Variants in ASAP1 observed in about 807,000 individuals in gnomAD.
The protein encoded by ASAP1 is ArfGAP with SH3 domain, ankyrin repeat and PH domain 1, also known as arf-GAP with SH3 domain, ANK repeat and PH domain-containing protein 1.
ASAP1 carries 43 observed loss-of-function variants against 145.2 expected under a neutral mutation model. The observed-to-expected ratio is 0.30, with a 90% CI of 0.23 to 0.38. The LOEUF is 0.38. ASAP1 is among the 10% of genes least tolerant of loss of function. The pLI is 1.00. For synonymous variants in ASAP1, 546 were observed against 515.5 expected (o/e 1.06, Z -0.80); for missense variants, 1,018 against 1,355.3 (o/e 0.75, Z 3.91).
At chr8:130,098,289 C>T (rs570435544) in intron 24 of ASAP1, among the ~76,000 whole-genome samples, 9 of 152,228 alleles carry the variant, frequency 5.9e-5, no homozygotes, top group South Asian at 4.1e-4. Flanking sequence ...ACATCCTTTC[C>T]GGCTAGAACT....
At chr8:130,311,589 C>T (rs2137544510) in intron 3 of ASAP1, among the ~76,000 whole-genome samples, 1 of 152,156 alleles carries the variant, frequency 6.6e-6, no homozygotes, top group Admixed American at 6.5e-5. Flanking sequence ...TGGAGAAACC[C>T]TGTCTCTACT....
intron 1 of ASAP1, among the ~76,000 whole-genome samples, chr8:130,415,977 G>A (rs1373547699): frequency 6.6e-6 from 1 of 152,094 alleles, no homozygotes; most frequent in Non-Finnish European, 1.5e-5. Context: ...TGTAAACTTA[G>A]AAGGATCAAC....
chr8:130,373,637 T>C (rs1827333825), intron 2 of ASAP1, among the ~76,000 whole-genome samples: 1 of 151,828 alleles, frequency 6.6e-6, no homozygotes, highest in Non-Finnish European at 1.5e-5. Context: ...TCACCTGAGT[T>C]TGGGAGTTTG....
At chr8:130,114,769 A>ATTTT (rs60433249) in intron 23 of ASAP1, among the ~76,000 whole-genome samples, 2 of 134,926 alleles carry the variant, frequency 1.5e-5, no homozygotes, top group South Asian at 2.4e-4. Flanking sequence ...TTGAAGGTTA[A>ATTTT]TTTTTTTTTT....
At chr8:130,162,750 G>A (rs576785293) in intron 11 of ASAP1, among the ~76,000 whole-genome samples, 1 of 151,702 alleles carries the variant, frequency 6.6e-6, no homozygotes, top group Middle Eastern at 3.2e-3. Context: ...CCCAGGAGGC[G>A]GGGCTTGCAG....
intron 24 of ASAP1, among the ~76,000 whole-genome samples, chr8:130,095,915 G>A (rs1213312801): frequency 3.3e-5 from 5 of 152,156 alleles, no homozygotes; most frequent in Non-Finnish European, 7.3e-5. Flanking sequence ...CACAGTGCCC[G>A]GCCAGGCCAG....
chr8:130,307,195 T>G (rs1402158546), intron 3 of ASAP1, among the ~76,000 whole-genome samples: 1 of 151,178 alleles, frequency 6.6e-6, no homozygotes, highest in Non-Finnish European at 1.5e-5. Context: ...AGAAGGGAAT[T>G]CTGTCTGTGC....
chr8:130,138,872 T>C (rs1319295841), intron 13 of ASAP1, among the ~76,000 whole-genome samples: 1 of 151,188 alleles, frequency 6.6e-6, no homozygotes, highest in Non-Finnish European at 1.5e-5. Flanking sequence ...GCTGAAGTGT[T>C]TGGGTTGCTA....
chr8:130,216,066 G>GAA (rs1816911991), intron 4 of ASAP1, among the ~76,000 whole-genome samples: 2 of 123,710 alleles, frequency 1.6e-5, no homozygotes, highest in South Asian at 5.0e-4. Flanking sequence ...AAGGAAAAAG[G>GAA]AAAGGAAAGG....
intron 3 of ASAP1, among the ~76,000 whole-genome samples, chr8:130,352,041 G>A (rs1826026125): frequency 6.6e-6 from 1 of 152,140 alleles, no homozygotes; most frequent in Non-Finnish European, 1.5e-5. Context: ...TCCAGACTGG[G>A]TCAAAAGCCT....
At position 130,215,644 on chromosome 8, in the gene ASAP1, G is replaced by A. The variant is rs561741559; in HGVS notation, c.260-943C>T. On this transcript the variant is annotated intron_variant, in intron 4 of 29. Transcript: ENST00000518721. Reference sequence around the variant, plus strand: ...CTGTAATCCCAGCTACTCGGGAGGCGGAGGCAGGAGAATGGTGTGAACCTG... The same window carrying A: ...CTGTAATCCCAGCTACTCGGGAGGCAGAGGCAGGAGAATGGTGTGAACCTG... 6.4e-3 allele frequency among the ~76,000 whole-genome samples: 977 copies of A among 152,102 alleles called. 9 individuals carry two copies. The highest frequency in any genetic ancestry group is 0.023 in the African/African-American group (940 of 41,486).
chr8:130,373,489 T>C (rs961554802), intron 2 of ASAP1, among the ~76,000 whole-genome samples: 2 of 152,202 alleles, frequency 1.3e-5, no homozygotes, highest in African/African-American at 2.4e-5. Flanking sequence ...TCTAAATACA[T>C]GGGCCTGCTA....
chr8:130,245,942 G>A (rs944733488), intron 3 of ASAP1, among the ~76,000 whole-genome samples: 7 of 151,922 alleles, frequency 4.6e-5, no homozygotes, highest in East Asian at 1.9e-4. Context: ...TAATCGCCCC[G>A]GGACTCTTGG....
At chr8:130,384,114 CCTTGCATGGCTCCAGGTCCTCTTTATAA>C (rs1827903800) in intron 2 of ASAP1, among the ~76,000 whole-genome samples, 2 of 152,146 alleles carry the variant, frequency 1.3e-5, no homozygotes, top group Non-Finnish European at 2.9e-5. Flanking sequence ...AACATCCCAC[CCTTGCATGGCTCCAGGTCCTCTTTATAA>C]CCAAAGGAGA....
At chr8:130,235,855 G>A (rs896863011) in intron 4 of ASAP1, among the ~76,000 whole-genome samples, 2 of 152,116 alleles carry the variant, frequency 1.3e-5, no homozygotes, top group Non-Finnish European at 2.9e-5. Flanking sequence ...GCTTGTTCAG[G>A]TTCCATTCAG....
chr8:130,100,577 C>T (rs528487083), intron 24 of ASAP1, among the ~76,000 whole-genome samples: 2 of 152,294 alleles, frequency 1.3e-5, no homozygotes, highest in East Asian at 3.9e-4. Context: ...AATCTACCCA[C>T]CTCGGCCTCC....
intron 28 of ASAP1, among the ~76,000 whole-genome samples, chr8:130,060,075 C>CAAAAAAAAAAAAAAAAAAAAAA: frequency 1.0e-5 from 1 of 95,916 alleles, no homozygotes; most frequent in Non-Finnish European, 2.1e-5. Flanking sequence ...GAGCCCTTCT[C>CAAAAAAAAAAAAAAAAAAAAAA]AAAAAAAAAA....
intron 3 of ASAP1, among the ~76,000 whole-genome samples, chr8:130,277,669 A>G (rs1281692434): frequency 1.3e-5 from 2 of 152,244 alleles, no homozygotes; most frequent in Non-Finnish European, 2.9e-5. Flanking sequence ...ACAGATATAG[A>G]AATGGCTTTC....
intron 2 of ASAP1, among the ~76,000 whole-genome samples, chr8:130,372,933 C>T (rs1827280089): frequency 1.3e-5 from 2 of 151,890 alleles, no homozygotes; most frequent in Admixed American, 6.6e-5. Flanking sequence ...CACAGACACA[C>T]ACGCATACAC....
Sources: gnomAD v4.1 joint callset for allele counts (sites outside exome capture counted in the v4.1 genomes callset) on GRCh38, gnomAD v4.1.1 for gene constraint, MANE v1.5 for transcripts, NCBI Gene and HGNC (gene_info 2026-07-23, HGNC 2026-07-21) for gene names.